The following ACOT7 variants were observed in gnomAD, a reference collection of about 807,000 sequenced individuals.
ACOT7 encodes acyl-CoA thioesterase 7.
ACOT7 carries 12 observed loss-of-function variants against 40.2 expected under a neutral mutation model. That is an observed-to-expected ratio of 0.30 (90% CI 0.19 to 0.48). The LOEUF (loss-of-function observed/expected upper bound fraction) is 0.48, where lower values mean the gene tolerates loss of function less well. Among genes scored for constraint, ACOT7 ranks in the 20% least tolerant of loss-of-function variants. The pLI is 0.99. For synonymous variants in ACOT7, 228 were observed against 219.5 expected (o/e 1.04, Z -0.34); for missense variants, 395 against 530.8 (o/e 0.74, Z 2.51).
At chr1:6,380,016 A>C (rs1642305862) in intron 1 of ACOT7, among the ~76,000 whole-genome samples, 1 of 151,860 alleles carries the variant, frequency 6.6e-6, no homozygotes, top group Admixed American at 6.6e-5. Flanking sequence ...CAGTGAACTG[A>C]GATCATGCCA....
At chr1:6,307,040 C>G (rs534737330) in intron 6 of ACOT7, among the ~76,000 whole-genome samples, 224 of 152,272 alleles carry the variant, frequency 1.5e-3, no homozygotes, top group African/African-American at 5.3e-3. Flanking sequence ...TGTGCTGTCC[C>G]CTGGCCTCAA....
chr1:6,309,233 A>T (rs1640263380), intron 6 of ACOT7, among the ~76,000 whole-genome samples: 1 of 152,230 alleles, frequency 6.6e-6, no homozygotes, highest in South Asian at 2.1e-4. Context: ...GTAGGCTGCA[A>T]CTAGAGGGTG....
intron 1 of ACOT7, among the ~76,000 whole-genome samples, chr1:6,375,396 G>A (rs113068134): frequency 0.011 from 1,636 of 152,026 alleles, 15 homozygotes; most frequent in Middle Eastern, 0.024. Flanking sequence ...GGCCAGGCGC[G>A]GTGACTCATG....
intron 6 of ACOT7, among the ~76,000 whole-genome samples, chr1:6,310,409 G>A (rs144092013): frequency 5.9e-5 from 9 of 152,330 alleles, no homozygotes; most frequent in South Asian, 2.1e-4. Flanking sequence ...CCACCCTGGC[G>A]CCCACCAGCG....
chr1:6,313,058 A>T (rs540032203), intron 6 of ACOT7, among the ~76,000 whole-genome samples: 50 of 152,222 alleles, frequency 3.3e-4, no homozygotes, highest in African/African-American at 1.2e-3. Flanking sequence ...CCTACCTACC[A>T]AACACCTGGG....
chr1:6,290,544 T>C (rs1190292623), intron 7 of ACOT7, among the ~76,000 whole-genome samples: 1 of 152,232 alleles, frequency 6.6e-6, no homozygotes, highest in African/African-American at 2.4e-5. Context: ...ACCTTTTCCA[T>C]AAACGTATGA....
chr1:6,334,773 T>C (rs536384619), intron 3 of ACOT7, among the ~76,000 whole-genome samples: 2 of 152,344 alleles, frequency 1.3e-5, no homozygotes, highest in Admixed American at 1.3e-4. Context: ...ACCCCTCACT[T>C]GTACAGAAGG....
At position 6,278,069 on chromosome 1, in the gene ACOT7, G is replaced by T. The variant is rs1343780469; in HGVS notation, c.1014+3033C>A. ...ATATGTGAGCCTGACAGTCCACGCA[G>T]CGTCTGCAGTGGCGGGGGGTGGTTG... On this transcript the variant is annotated intron_variant, in intron 8 of 8. Transcript: ENST00000361521. The surrounding 1 kb of genome is among the most constrained non-coding windows in gnomAD (Gnocchi z 4.1). 1.3e-5 allele frequency among the ~76,000 whole-genome samples: 2 copies of T among 151,720 alleles called. No individual in the cohort carries two copies. Among genetic ancestry groups the T allele is most frequent in the Non-Finnish European group, 2.9e-5 (2 of 67,976 alleles).
intron 6 of ACOT7, among the ~76,000 whole-genome samples, chr1:6,304,271 G>T (rs1243059249): frequency 1.3e-5 from 2 of 149,812 alleles, no homozygotes; most frequent in Non-Finnish European, 3.0e-5. Context: ...GCATGCCCCT[G>T]GCGACCACAG....
chr1:6,323,699 CAG>C (rs1450185342), intron 5 of ACOT7, among the ~76,000 whole-genome samples: 50 of 108,778 alleles, frequency 4.6e-4, no homozygotes, highest in African/African-American at 1.7e-3. Flanking sequence ...GCCTGGTCAA[CAG>C]AGTGAGACTT....
At chr1:6,375,658 C>T (rs1255909532) in intron 1 of ACOT7, among the ~76,000 whole-genome samples, 2 of 152,098 alleles carry the variant, frequency 1.3e-5, no homozygotes, top group East Asian at 1.9e-4. Flanking sequence ...CTTTTTAGGC[C>T]GGGCGCAGTG....
intron 1 of ACOT7, among the ~76,000 whole-genome samples, chr1:6,353,022 G>A (rs993474004): frequency 1.3e-5 from 2 of 152,136 alleles, no homozygotes; most frequent in African/African-American, 4.8e-5. Flanking sequence ...GGGATTACAA[G>A]CATGCACCAC....
chr1:6,360,689 CT>C, intron 1 of ACOT7: 1 of 1,613,974 alleles, frequency 6.2e-7, no homozygotes, highest in South Asian at 1.1e-5. Flanking sequence ...CCTCCAGAAG[CT>C]GCAGCCAAAT....
At chr1:6,360,612 C>G (rs1482294528) in intron 1 of ACOT7, 1 of 1,614,118 alleles carries the variant, frequency 6.2e-7, no homozygotes, top group East Asian at 2.2e-5. Context: ...GACTTCCTTT[C>G]TGAGGACGTT....
In ACOT7 at chr1:6,358,237, C is replaced by T. The variant is rs1557666489; in HGVS notation, c.144-8371G>A. ...AAGTCCCTTCAACCCACAGACACGC[C>T]ACTGCATCTCCAGAAGAGGGAAGGG... On this transcript the variant is annotated intron_variant, in intron 1 of 8. Coordinates refer to ENST00000361521, the MANE Select transcript of ACOT7 (RefSeq NM_007274.4). The surrounding 1 kb of genome is among the most constrained non-coding windows in gnomAD (Gnocchi z 4.1). Among the ~76,000 whole-genome samples the T allele has an allele frequency of 6.6e-6, 1 of 152,094 alleles. No homozygotes were observed. The highest frequency in any genetic ancestry group is 1.5e-5 in the Non-Finnish European group (1 of 68,026).
At chr1:6,310,407 G>A (rs900945560) in intron 6 of ACOT7, among the ~76,000 whole-genome samples, 2 of 152,220 alleles carry the variant, frequency 1.3e-5, no homozygotes, top group African/African-American at 4.8e-5. Flanking sequence ...AGCCACCCTG[G>A]CGCCCACCAG....
chr1:6,385,779 T>C (rs1189625578), intron 1 of ACOT7: 3 of 1,441,934 alleles, frequency 2.1e-6, no homozygotes, highest in South Asian at 2.9e-5. Context: ...CCCTCCCTGA[T>C]AGAAAGCACC....
chr1:6,306,375 CA>C lies in ACOT7; in HGVS notation c.713-11396del. On this transcript the variant is annotated intron_variant, in intron 6 of 8. Transcript: ENST00000361521. The surrounding 1 kb of genome is among the most constrained non-coding windows in gnomAD (Gnocchi z 4.3). ...AGAGGAGGACCCAGTGTGGGCAGGACAAAGTGAGTTCCTGGGACAGGTGCCT... is the reference window on the plus strand; with the variant it reads ...AGAGGAGGACCCAGTGTGGGCAGGACAAGTGAGTTCCTGGGACAGGTGCCT... The C allele has an allele frequency of 1.0e-6, 1 of 985,346 alleles. No individual in the cohort carries two copies. The allele number at this position is 985,346 out of a possible 1,614,324, so 61.0% of individuals were successfully genotyped here.
chr1:6,283,015 G>T, intron 7 of ACOT7: 1 of 426,460 alleles, frequency 2.3e-6, no homozygotes. Context: ...CAAAAAGCAG[G>T]AACAAGCCCT....
Sources: gnomAD v4.1 joint callset for allele counts (sites outside exome capture counted in the v4.1 genomes callset) on GRCh38, gnomAD v4.1.1 for gene constraint, Gnocchi (gnomAD v3.1) non-coding constraint, MANE v1.5 for transcripts, NCBI Gene and HGNC (gene_info 2026-07-23, HGNC 2026-07-21) for gene names.